SUSD6: variants seen among roughly 807,000 people sequenced by gnomAD.
SUSD6 encodes the protein sushi domain containing 6.
In SUSD6, 16 loss-of-function variants were observed where a neutral mutation model predicts 28.4. The ratio of observed to expected loss-of-function variants is 0.56; its 90% CI spans 0.38 to 0.86. The LOEUF is 0.86. Ranked by LOEUF, SUSD6 falls within the 40% of genes least tolerant of loss-of-function variation. The pLI, the probability that SUSD6 is intolerant of heterozygous loss-of-function variation, is 0.00. For missense variants in SUSD6, 341 were observed against 384.2 expected, an observed-to-expected ratio of 0.89 and a Z score of 0.94; for synonymous variants, 147 against 159.6, an observed-to-expected ratio of 0.92 and a Z score of 0.59.
chr14:69,669,102 T>A (rs1885791543), intron 2 of SUSD6, among the ~76,000 whole-genome samples: 1 of 145,004 alleles, frequency 6.9e-6, no homozygotes, highest in Non-Finnish European at 1.5e-5. Context: ...TCTCGCTTTG[T>A]CGCCAGGCTG....
chr14:69,626,980 T>G (rs1412120182), intron 1 of SUSD6, among the ~76,000 whole-genome samples: 2 of 151,982 alleles, frequency 1.3e-5, no homozygotes, highest in African/African-American at 4.8e-5. Context: ...CCACTGCAAC[T>G]GGCCTGTCCC....
chr14:69,681,854 A>G (rs527796656), intron 2 of SUSD6, among the ~76,000 whole-genome samples: 1 of 152,312 alleles, frequency 6.6e-6, no homozygotes, highest in East Asian at 1.9e-4. Context: ...GCTTACGGCT[A>G]AAGAAGTGGG....
intron 1 of SUSD6, among the ~76,000 whole-genome samples, chr14:69,634,894 A>G (rs1226859681): frequency 3.3e-5 from 5 of 152,232 alleles, no homozygotes; most frequent in Non-Finnish European, 7.3e-5. Flanking sequence ...TGCTTTTGAA[A>G]AGTAATAAAT....
intron 4 of SUSD6, 138 bp downstream of exon 4, chr14:69,704,880 T>C: frequency 1.2e-6 from 1 of 810,838 alleles, no homozygotes; most frequent in South Asian, 1.7e-5. Flanking sequence ...GGCCCTGCCA[T>C]GTGTCAAACT....
At chr14:69,696,403 A>G (rs1886226170) in intron 2 of SUSD6, among the ~76,000 whole-genome samples, 2 of 152,268 alleles carry the variant, frequency 1.3e-5, no homozygotes, top group Non-Finnish European at 2.9e-5. Context: ...ACAGAACTAT[A>G]CATTTAAACA....
chr14:69,651,961 C>A (rs1885510645), intron 1 of SUSD6, among the ~76,000 whole-genome samples: 1 of 152,156 alleles, frequency 6.6e-6, no homozygotes, highest in Non-Finnish European at 1.5e-5. Context: ...AATTTCTGTT[C>A]ATGTTTCTGG....
At chr14:69,672,390 C>T (rs1489910135) in intron 2 of SUSD6, among the ~76,000 whole-genome samples, 1 of 152,146 alleles carries the variant, frequency 6.6e-6, no homozygotes, top group Non-Finnish European at 1.5e-5. Flanking sequence ...AGAAGTCAGT[C>T]AGTCATTTTC....
At chr14:69,612,544 G>A (rs916439939) in intron 1 of SUSD6, among the ~76,000 whole-genome samples, 5 of 152,182 alleles carry the variant, frequency 3.3e-5, no homozygotes. Flanking sequence ...AGCTGCTGAA[G>A]TGGAGAAAAG....
intron 2 of SUSD6, among the ~76,000 whole-genome samples, chr14:69,686,731 T>C (rs1886079363): frequency 6.6e-6 from 1 of 152,182 alleles, no homozygotes. Flanking sequence ...ACCCATTCAC[T>C]ATCATGAGAA....
chr14:69,647,527 A>T (rs1449541795), intron 1 of SUSD6, among the ~76,000 whole-genome samples: 4 of 152,158 alleles, frequency 2.6e-5, no homozygotes, highest in Non-Finnish European at 5.9e-5. Flanking sequence ...GGGAAGTAAT[A>T]TGCCCCATTT....
At chr14:69,659,399 ACTT>A (rs1459232150) in intron 2 of SUSD6, among the ~76,000 whole-genome samples, 2 of 152,202 alleles carry the variant, frequency 1.3e-5, no homozygotes, top group East Asian at 3.8e-4. Context: ...ATTTAAAGTC[ACTT>A]CTTTGCCCCT....
intron 1 of SUSD6, among the ~76,000 whole-genome samples, chr14:69,630,314 G>T (rs989427893): frequency 6.6e-6 from 1 of 152,150 alleles, no homozygotes; most frequent in African/African-American, 2.4e-5. Flanking sequence ...GAGTAGAGGT[G>T]GTCTCTCTCC....
At chr14:69,634,500 A>G (rs1056287937) in intron 1 of SUSD6, among the ~76,000 whole-genome samples, 1 of 152,248 alleles carries the variant, frequency 6.6e-6, no homozygotes, top group Non-Finnish European at 1.5e-5. Flanking sequence ...TTTAAGCATC[A>G]TGCTAACTTT....
At chr14:69,631,638 A>C (rs887480116) in intron 1 of SUSD6, among the ~76,000 whole-genome samples, 3 of 152,196 alleles carry the variant, frequency 2.0e-5, no homozygotes, top group Non-Finnish European at 4.4e-5. Flanking sequence ...AATAATAATA[A>C]TTCTGTGATT....
At chr14:69,684,976 A>G (rs983737452) in intron 2 of SUSD6, among the ~76,000 whole-genome samples, 1 of 152,174 alleles carries the variant, frequency 6.6e-6, no homozygotes, top group Admixed American at 6.5e-5. Flanking sequence ...CTGAGTTATC[A>G]CTTTGTTAGG....
chr14:69,648,743 T>G (rs1885462410), intron 1 of SUSD6, among the ~76,000 whole-genome samples: 1 of 152,158 alleles, frequency 6.6e-6, no homozygotes, highest in African/African-American at 2.4e-5. Context: ...GGAGGAGGTG[T>G]TTCCTGCATA....
chr14:69,626,649 C>T (rs1006633869), intron 1 of SUSD6, among the ~76,000 whole-genome samples: 12 of 152,024 alleles, frequency 7.9e-5, no homozygotes, highest in Admixed American at 7.9e-4. Context: ...CTATGAAGCA[C>T]CCATTTTTTT....
chr14:69,685,186 TG>T (rs550746823), intron 2 of SUSD6, among the ~76,000 whole-genome samples: 47 of 152,300 alleles, frequency 3.1e-4, no homozygotes, highest in African/African-American at 1.1e-3. Flanking sequence ...CCTTTTGTGG[TG>T]GGTGATTTCA....
intron 2 of SUSD6, among the ~76,000 whole-genome samples, chr14:69,678,696 G>T (rs1318809956): frequency 6.6e-6 from 1 of 152,100 alleles, no homozygotes; most frequent in African/African-American, 2.4e-5. Flanking sequence ...CCAGCTCTTC[G>T]GGAGGGTGAG....
Sources: allele counts gnomAD v4.1 joint callset (sites outside exome capture counted in the v4.1 genomes callset), GRCh38; gene constraint gnomAD v4.1.1; transcripts MANE v1.5; gene names NCBI Gene and HGNC (gene_info 2026-07-23, HGNC 2026-07-21).